Variants in PREX2 observed in about 807,000 individuals in gnomAD.
PREX2 encodes phosphatidylinositol 3,4,5-trisphosphate-dependent Rac exchanger 2 protein.
In PREX2, 107 loss-of-function variants were observed where a neutral mutation model predicts 203.2. The observed-to-expected ratio is 0.53, with a 90% CI of 0.45 to 0.62. The LOEUF (loss-of-function observed/expected upper bound fraction) is 0.62. Ranked by LOEUF, PREX2 falls within the 20% of genes least tolerant of loss-of-function variation. PREX2 has a pLI of 0.00. For synonymous variants in PREX2, 672 were observed against 663.6 expected, an observed-to-expected ratio of 1.01 and a Z score of -0.19; for missense variants, 1,777 against 1,955.9, an observed-to-expected ratio of 0.91 and a Z score of 1.72.
chr8:68,047,434 A>G (rs1346040693), intron 8 of PREX2, among the ~76,000 whole-genome samples: 1 of 147,650 alleles, frequency 6.8e-6, no homozygotes, highest in Non-Finnish European at 1.5e-5. Context: ...AAGCACCTAT[A>G]CCATATTTAG....
At chr8:68,038,375 G>C in intron 7 of PREX2, 83 bp downstream of exon 7, 1 of 1,408,144 alleles carries the variant, frequency 7.1e-7, no homozygotes, top group East Asian at 2.3e-5. Context: ...CATCTATCCA[G>C]CTCACAGTTT....
chr8:68,057,417 G>A lies in PREX2; in HGVS notation c.1238+1443G>A, dbSNP rs375991210. 1.8e-3 allele frequency among the ~76,000 whole-genome samples: 281 copies of A among 152,210 alleles called. 4 individuals are homozygous for A. The highest frequency in any genetic ancestry group is 6.5e-3 in the African/African-American group (269 of 41,532). On this transcript the variant is annotated intron_variant, in intron 10 of 39. Transcript: ENST00000288368. The stretch of plus-strand genomic sequence containing the variant: ...TCTTTACAGCAGTATGAAAAAGGGC[G>A]AATACGCTCCCCAACCCCCAACTCA...
chr8:68,209,862 C>G (rs1812711687), intron 37 of PREX2, among the ~76,000 whole-genome samples: 1 of 152,166 alleles, frequency 6.6e-6, no homozygotes, highest in African/African-American at 2.4e-5. Context: ...GACCATGATC[C>G]CTTCAACTCA....
At position 68,112,493 on chromosome 8, in the gene PREX2, ATGGTGGTGG is replaced by A. The variant is rs538888493; in HGVS notation, c.3146+2887_3146+2895del. Among the ~76,000 whole-genome samples, 5 of 151,258 alleles carry A rather than the reference ATGGTGGTGG, an allele frequency of 3.3e-5. No individual in the cohort carries two copies. The South Asian group carries it at 6.3e-4, about 19-fold the overall frequency. ...AGTAACCCGGGGGTTACAGATAGGA[ATGGTGGTGG>A]TGGTGGTGGTGGTGGTAGAGTAATC... On this transcript the variant is annotated intron_variant, in intron 25 of 39. Coordinates refer to ENST00000288368, the MANE Select transcript of PREX2 (RefSeq NM_024870.4).
chr8:68,198,852 A>G (rs867507305), intron 37 of PREX2, among the ~76,000 whole-genome samples: 1 of 152,182 alleles, frequency 6.6e-6, no homozygotes. Flanking sequence ...TCTTCACTCT[A>G]TATTTTTAAA....
chr8:67,983,102 T>C (rs1348344013), intron 1 of PREX2, among the ~76,000 whole-genome samples: 1 of 152,228 alleles, frequency 6.6e-6, no homozygotes, highest in Non-Finnish European at 1.5e-5. Context: ...ATATGGGCCA[T>C]AGTGGTGGTG....
chr8:68,051,778 A>G (rs1180631042), intron 8 of PREX2, among the ~76,000 whole-genome samples: 3 of 152,122 alleles, frequency 2.0e-5, no homozygotes, highest in Non-Finnish European at 2.9e-5. Context: ...TTGGGAGGGA[A>G]GTATTGGCCA....
rs1305614777 is a variant in PREX2, at chr8:68,115,741, A to G, written c.3147-12A>G. ...TTGAAAATGTGCATTTTTTTTTAAT[A>G]TTACATTGCAGCCTTCTGTCTTCAA... On this transcript the variant is annotated splice_polypyrimidine_tract_variant and intron_variant, in intron 25 of 39. Transcript: ENST00000288368. 6.3e-7 allele frequency: 1 copy of G among 1,588,132 alleles called. No homozygotes were observed. Among genetic ancestry groups the G allele is most frequent in the Non-Finnish European group, 8.6e-7 (1 of 1,168,356 alleles).
intron 30 of PREX2, among the ~76,000 whole-genome samples, chr8:68,126,859 GTA>G (rs1563557356): frequency 6.6e-6 from 1 of 151,552 alleles, no homozygotes; most frequent in Non-Finnish European, 1.5e-5. Context: ...ATACACACAC[GTA>G]TGTGTGTGTG....
intron 1 of PREX2, among the ~76,000 whole-genome samples, chr8:67,986,086 G>T (rs187500425): frequency 2.0e-5 from 3 of 152,238 alleles, no homozygotes; most frequent in African/African-American, 7.2e-5. Flanking sequence ...GTTGGTTTTC[G>T]TAATCTTTCT....
At chr8:68,201,351 A>G (rs1284573054) in intron 37 of PREX2, among the ~76,000 whole-genome samples, 1 of 152,138 alleles carries the variant, frequency 6.6e-6, no homozygotes, top group Non-Finnish European at 1.5e-5. Context: ...CAGAACTAAT[A>G]GGGTAGATGT....
At chr8:68,072,061 A>G (rs1347575430) in intron 13 of PREX2, among the ~76,000 whole-genome samples, 2 of 152,184 alleles carry the variant, frequency 1.3e-5, no homozygotes, top group Non-Finnish European at 2.9e-5. Flanking sequence ...AATGACATAT[A>G]ATGAAACCAA....
chr8:68,226,557 A>G (rs546726561), intron 39 of PREX2, among the ~76,000 whole-genome samples: 1 of 152,184 alleles, frequency 6.6e-6, no homozygotes, highest in Non-Finnish European at 1.5e-5. Context: ...CTGAGATACT[A>G]TTTGATTCAA....
At chr8:68,130,763 G>A (rs1389946011) in intron 31 of PREX2, among the ~76,000 whole-genome samples, 3 of 152,066 alleles carry the variant, frequency 2.0e-5, no homozygotes, top group African/African-American at 4.8e-5. Context: ...TGGTTGCTTG[G>A]GAACACAGAC....
chr8:68,052,943 T>G (rs890408427), intron 8 of PREX2, among the ~76,000 whole-genome samples, 154 bp from the exon 9 acceptor site: 3 of 152,210 alleles, frequency 2.0e-5, no homozygotes, highest in Non-Finnish European at 4.4e-5. Context: ...TCTTAAAGTT[T>G]TTAAATGTTT....
At chr8:68,105,558 A>G (rs1810385540) in intron 23 of PREX2, 2 of 1,100,564 alleles carry the variant, frequency 1.8e-6, no homozygotes, top group South Asian at 2.5e-5. Context: ...CACCCTATTC[A>G]TTTCCTTTTC....
chr8:68,119,906 A>G (rs1810735388), intron 28 of PREX2, among the ~76,000 whole-genome samples: 1 of 152,196 alleles, frequency 6.6e-6, no homozygotes, highest in Admixed American at 6.5e-5. Context: ...ATTTATAGCC[A>G]TAACCAAAAT....
chr8:68,054,800 A>G (rs1052427283), intron 9 of PREX2, among the ~76,000 whole-genome samples: 2 of 152,130 alleles, frequency 1.3e-5, no homozygotes, highest in Non-Finnish European at 2.9e-5. Context: ...CTGAATGTCC[A>G]CACTAGGCAT....
chr8:67,996,179 CT>C (rs2129609604), intron 1 of PREX2, among the ~76,000 whole-genome samples: 1 of 151,842 alleles, frequency 6.6e-6, no homozygotes, highest in Admixed American at 6.6e-5. Flanking sequence ...GGTAGTTTTT[CT>C]TTTTTCAGTA....
Sources: allele counts gnomAD v4.1 joint callset (sites outside exome capture counted in the v4.1 genomes callset), GRCh38; gene constraint gnomAD v4.1.1; transcripts MANE v1.5; gene names NCBI Gene and HGNC (gene_info 2026-07-23, HGNC 2026-07-21).